The following WDR64 variants were observed in gnomAD, a reference collection of about 807,000 sequenced individuals.
The protein encoded by WDR64 is WD repeat-containing protein 64.
WDR64 carries 112 observed loss-of-function variants against 139.3 expected under a neutral mutation model. The ratio of observed to expected loss-of-function variants is 0.80; its 90% CI spans 0.69 to 0.94. The LOEUF is 0.94. Ranked by LOEUF, WDR64 falls within the 40% of genes least tolerant of loss-of-function variation. WDR64 has a pLI of 0.00. For missense variants in WDR64, 1,206 were observed against 1,293.1 expected (o/e 0.93, Z 1.03); for synonymous variants, 444 against 437.7 (o/e 1.01, Z -0.18).
intron 8 of WDR64, among the ~76,000 whole-genome samples, chr1:241,694,451 C>T (rs1667411709): frequency 1.3e-5 from 2 of 152,068 alleles, no homozygotes; most frequent in South Asian, 2.1e-4. Flanking sequence ...ATTTATATGG[C>T]ATAATTAATT....
chr1:241,693,831 G>C (rs1295393234), intron 8 of WDR64, among the ~76,000 whole-genome samples: 5 of 152,088 alleles, frequency 3.3e-5, no homozygotes, highest in Admixed American at 2.6e-4. Flanking sequence ...AAAAAGATTG[G>C]TTAAAACATA....
At position 241,656,767 on chromosome 1, in the gene WDR64, T is replaced by C. The variant is rs915673368; in HGVS notation, c.146-3763T>C. On this transcript the variant is annotated intron_variant, in intron 1 of 27. Coordinates refer to ENST00000437684, the MANE Select transcript of WDR64 (RefSeq NM_001367482.1). The surrounding 1 kb of genome is among the most constrained non-coding windows in gnomAD (Gnocchi z 4.3). ...CTAGGGTGGGGGCTGTCTTGTGCAT[T>C]GTAGGATGTTAAGCAGCGTCCTTGG... 3.3e-5 allele frequency among the ~76,000 whole-genome samples: 5 copies of C among 152,046 alleles called. No homozygotes were observed. The highest frequency in any genetic ancestry group is 7.4e-5 in the Non-Finnish European group (5 of 68,002).
At chr1:241,662,945 A>ATC (rs1483441728) in intron 2 of WDR64, among the ~76,000 whole-genome samples, 5 of 152,200 alleles carry the variant, frequency 3.3e-5, no homozygotes, top group African/African-American at 1.2e-4. Flanking sequence ...CAAAATTCTC[A>ATC]TTATTTGTGG....
intron 14 of WDR64, among the ~76,000 whole-genome samples, chr1:241,751,364 T>A (rs1366418063): frequency 2.0e-5 from 3 of 152,106 alleles, no homozygotes; most frequent in Non-Finnish European, 4.4e-5. Context: ...AACTGGAAGG[T>A]GGGCAGGTGG....
At position 241,787,844 on chromosome 1, in the gene WDR64, C is replaced by T. The variant is rs201945511; in HGVS notation, c.2706-5C>T. The T allele has an allele frequency of 2.7e-4, 427 of 1,562,044 alleles. No homozygotes were observed. In the African/African-American group the frequency reaches 5.3e-3, roughly 19 times the overall value. On this transcript the variant is annotated splice_polypyrimidine_tract_variant and splice_region_variant and intron_variant, in intron 23 of 27. Transcript: ENST00000437684. Reference sequence around the variant, plus strand: ...TTTTTCCTCCCTTCCTTTTCCTTCCCTCAGGCTCTGGCATGCCCTCAATGG... The same window carrying T: ...TTTTTCCTCCCTTCCTTTTCCTTCCTTCAGGCTCTGGCATGCCCTCAATGG...
chr1:241,674,566 T>C, intron 3 of WDR64, 78 bp from the exon 4 acceptor site: 1 of 945,776 alleles, frequency 1.1e-6, no homozygotes, highest in Admixed American at 2.6e-5. Context: ...CATATCATTT[T>C]TTAAAAAAAC....
At chr1:241,729,986 T>C (rs1669016231) in intron 10 of WDR64, among the ~76,000 whole-genome samples, 1 of 152,224 alleles carries the variant, frequency 6.6e-6, no homozygotes, top group Non-Finnish European at 1.5e-5. Flanking sequence ...GCAACATTCT[T>C]AAGAGTAAGA....
chr1:241,660,588 G>C lies in WDR64; in HGVS notation c.204G>C (p.Val68=). ...ASVQKLFGPD[V]KNQDVKRFYR... ...TACAGAAGCTCTTTGGTCCAGATGTGAAGAATCAAGATGTGAAACGCTTTT... is the reference window on the plus strand; with the variant it reads ...TACAGAAGCTCTTTGGTCCAGATGTCAAGAATCAAGATGTGAAACGCTTTT... The change falls in exon 2 of 28, where the codon GTG becomes GTC. Residue 68 remains valine, a synonymous_variant. Coordinates refer to ENST00000437684, the MANE Select transcript of WDR64 (RefSeq NM_001367482.1). 1 of 1,551,774 alleles carries C rather than the reference G, an allele frequency of 6.4e-7. No homozygotes were observed. The highest frequency in any genetic ancestry group is 1.4e-5 in the African/African-American group (1 of 73,140).
rs1207093135 is a variant in WDR64 at position 241,749,547 on chromosome 1, G to T, written c.1595G>T (p.Gly532Val). 1.9e-6 allele frequency: 3 copies of T among 1,613,782 alleles called. No homozygotes were observed. Among genetic ancestry groups the T allele is most frequent in the Non-Finnish European group, 2.5e-6 (3 of 1,179,914 alleles). The change falls in exon 14 of 28, where the codon GGA becomes GTA. Residue 532 changes from glycine to valine, a missense_variant and splice_region_variant. Coordinates refer to ENST00000437684, the MANE Select transcript of WDR64 (RefSeq NM_001367482.1). ...GFLFATGAYN[G>V]TVRIWDFGSG... ...ATAGTCTTTTTCTCTGTATGCTCAG[G>T]AACAGTCAGAATCTGGGACTTTGGC...
At chr1:241,770,285 G>T (rs201532092) in intron 17 of WDR64, among the ~76,000 whole-genome samples, 2 of 152,186 alleles carry the variant, frequency 1.3e-5, no homozygotes, top group Non-Finnish European at 2.9e-5. Flanking sequence ...AGACAGGCTT[G>T]TAAGGTCCCC....
At chr1:241,657,480 CACTGTAGGT>C (rs1442347796) in intron 1 of WDR64, among the ~76,000 whole-genome samples, 35 of 152,308 alleles carry the variant, frequency 2.3e-4, no homozygotes, top group Non-Finnish European at 1.5e-4. Flanking sequence ...CCGCAGTCCT[CACTGTAGGT>C]ACCTCATACC....
intron 9 of WDR64, among the ~76,000 whole-genome samples, chr1:241,716,299 A>AG (rs397983537): frequency 6.6e-6 from 1 of 150,602 alleles, no homozygotes; most frequent in African/African-American, 2.4e-5. Flanking sequence ...AAAAAAAAAA[A>AG]GCCAAACCAG....
chr1:241,780,726 T>C (rs1387539301), intron 22 of WDR64, among the ~76,000 whole-genome samples: 2 of 152,214 alleles, frequency 1.3e-5, no homozygotes, highest in Non-Finnish European at 2.9e-5. Context: ...GGAGTTTTCT[T>C]TTTGTTTCAG....
At position 241,781,482 on chromosome 1, in the gene WDR64, T is replaced by C. The variant is rs1000379350; in HGVS notation, c.2595+1420T>C. Among the ~76,000 whole-genome samples the C allele has an allele frequency of 8.5e-5, 13 of 152,194 alleles. 1 individual carries two copies. Among genetic ancestry groups the C allele is most frequent in the Admixed American group, 7.9e-4 (12 of 15,280 alleles). On this transcript the variant is annotated intron_variant, in intron 22 of 27. Transcript: ENST00000437684. ...CCAATGCTTAAACCAGGTCCGGCTA[T>C]AGATTACAACTGCAATGAATACCTA...
intron 21 of WDR64, 67 bp from the exon 22 acceptor site, chr1:241,779,937 T>C: frequency 1.6e-6 from 2 of 1,245,814 alleles, no homozygotes; most frequent in Non-Finnish European, 2.2e-6. Flanking sequence ...CAAAATAACT[T>C]TTGGATAGTA....
At chr1:241,743,045 A>C (rs1669609158) in intron 12 of WDR64, among the ~76,000 whole-genome samples, 1 of 152,186 alleles carries the variant, frequency 6.6e-6, no homozygotes, top group Non-Finnish European at 1.5e-5. Context: ...CGTTTGCTGG[A>C]GATTTTCTCA....
intron 2 of WDR64, among the ~76,000 whole-genome samples, chr1:241,664,057 C>T (rs1217501886): frequency 2.0e-5 from 3 of 152,222 alleles, no homozygotes; most frequent in South Asian, 2.1e-4. Flanking sequence ...CAGTCAGCTA[C>T]TCTGCAGCCA....
At chr1:241,753,207 G>A (rs1392957336) in intron 14 of WDR64, among the ~76,000 whole-genome samples, 1 of 152,118 alleles carries the variant, frequency 6.6e-6, no homozygotes, top group Non-Finnish European at 1.5e-5. Context: ...CCTTGCCCGA[G>A]GTCCCACAAG....
chr1:241,781,174 C>G (rs1188501744), intron 22 of WDR64, among the ~76,000 whole-genome samples: 2 of 152,168 alleles, frequency 1.3e-5, no homozygotes, highest in African/African-American at 2.4e-5. Context: ...AAACTAACAA[C>G]TGAGATCTTT....
Sources: allele counts gnomAD v4.1 joint callset (sites outside exome capture counted in the v4.1 genomes callset), GRCh38; gene constraint gnomAD v4.1.1; non-coding constraint Gnocchi (gnomAD v3.1); transcripts MANE v1.5; gene names NCBI Gene and HGNC (gene_info 2026-07-23, HGNC 2026-07-21).